Variants in SAP30BP observed in about 807,000 individuals in gnomAD.
The protein encoded by SAP30BP is SAP30 binding protein, also known as SAP30-binding protein.
In SAP30BP, 31 loss-of-function variants were observed where a neutral mutation model predicts 46.3. That is an observed-to-expected ratio of 0.67 (90% CI 0.50 to 0.90). The LOEUF (loss-of-function observed/expected upper bound fraction) is 0.90. SAP30BP is among the 40% of genes least tolerant of loss of function. The pLI, the probability that SAP30BP is intolerant of heterozygous loss-of-function variation, is 0.00. For missense variants in SAP30BP, 312 were observed against 391.0 expected (o/e 0.80, Z 1.70); for synonymous variants, 169 against 144.2 (o/e 1.17, Z -1.23).
chr17:75,699,775 C>T lies in SAP30BP; in HGVS notation c.308-8C>T. The T allele has an allele frequency of 2.5e-6, 4 of 1,609,004 alleles. No individual in the cohort carries two copies. Among genetic ancestry groups the T allele is most frequent in the Non-Finnish European group, 3.4e-6 (4 of 1,175,778 alleles). ...CACCTACAGAATTTTTCCTTCTTCT[C>T]TCAACAGCCTCCTTTTCTGAAAGAG... On this transcript the variant is annotated splice_region_variant and splice_polypyrimidine_tract_variant and intron_variant, in intron 4 of 10. Transcript: ENST00000584667.
At chr17:75,682,052 G>T (rs533780273) in intron 3 of SAP30BP, among the ~76,000 whole-genome samples, 3 of 151,976 alleles carry the variant, frequency 2.0e-5, no homozygotes, top group Non-Finnish European at 4.4e-5. Context: ...TTAATGGACA[G>T]AGTTATTTTT....
rs2059838379 is a variant in SAP30BP at position 75,668,304 on chromosome 17, T to A, written c.107-212T>A. ...AACAGAATTTAGTACTCGGTTTTGT[T>A]CCCTGACCTTTTAATGATTTTATTC... On this transcript the variant is annotated intron_variant, in intron 1 of 10. Transcript: ENST00000584667. The A allele has an allele frequency of 5.9e-6, 3 of 510,040 alleles. No homozygotes were observed. The South Asian group carries it at 9.3e-5, about 16-fold the overall frequency. The allele number at this position is 510,040 out of a possible 1,614,324, so 31.6% of individuals were successfully genotyped here.
intron 3 of SAP30BP, among the ~76,000 whole-genome samples, chr17:75,674,788 A>G (rs1448440204): frequency 2.2e-5 from 3 of 137,612 alleles, no homozygotes; most frequent in African/African-American, 8.2e-5. Flanking sequence ...TGCAGCCACA[A>G]CCTCCCTGGC....
intron 3 of SAP30BP, chr17:75,690,844 A>G: frequency 2.3e-6 from 1 of 436,896 alleles, no homozygotes; most frequent in South Asian, 1.6e-5. Flanking sequence ...TGCCTATGAC[A>G]CCAATGGGAA....
At chr17:75,674,820 G>A (rs1218963960) in intron 3 of SAP30BP, among the ~76,000 whole-genome samples, 2 of 139,090 alleles carry the variant, frequency 1.4e-5, no homozygotes, top group African/African-American at 2.6e-5. Context: ...TCCCACCTCA[G>A]CCTCCCAAAC....
chr17:75,678,462 A>AC (rs1269932894), intron 3 of SAP30BP, among the ~76,000 whole-genome samples: 4 of 76,908 alleles, frequency 5.2e-5, no homozygotes, highest in South Asian at 1.3e-3. Flanking sequence ...ACACAATTTA[A>AC]AACACACACA....
intron 3 of SAP30BP, among the ~76,000 whole-genome samples, chr17:75,686,256 G>T (rs917072126): frequency 6.6e-6 from 1 of 151,788 alleles, no homozygotes; most frequent in African/African-American, 2.4e-5. Context: ...AGTGGCTCAC[G>T]CCTGTAATCT....
rs1282123678 is a variant in SAP30BP at position 75,707,414 on chromosome 17, G to A, written c.*893G>A. ...CAGTGGCCACTGGGCTCCCCCCGGG[G>A]TTGAAACGGGTTTCCCAGACCAGGG... On this transcript the variant is annotated 3_prime_UTR_variant, in exon 11 of 11. Coordinates refer to ENST00000584667, the MANE Select transcript of SAP30BP (RefSeq NM_013260.8). 3 of 152,706 alleles carry A rather than the reference G, an allele frequency of 2.0e-5. No homozygotes were observed. The highest frequency in any genetic ancestry group is 7.2e-5 in the African/African-American group (3 of 41,458). 9.5% of individuals were successfully genotyped at this position (152,706 alleles called of 1,614,324 possible). A position where few individuals can be genotyped will look rare whatever the true frequency, so the allele number is the denominator to read the frequency against.
intron 9 of SAP30BP, 34 bp from the exon 10 acceptor site, chr17:75,705,974 G>T: frequency 6.2e-7 from 1 of 1,609,554 alleles, no homozygotes. Flanking sequence ...ACCCAGCTTT[G>T]CCTGGTCTTA....
chr17:75,675,334 A>G (rs1221318768), intron 3 of SAP30BP, among the ~76,000 whole-genome samples: 1 of 151,978 alleles, frequency 6.6e-6, no homozygotes, highest in Non-Finnish European at 1.5e-5. Flanking sequence ...TATTTTTAGT[A>G]GAGACGGGGT....
chr17:75,697,750 G>A (rs1292488355), intron 4 of SAP30BP, among the ~76,000 whole-genome samples: 1 of 152,206 alleles, frequency 6.6e-6, no homozygotes, highest in Non-Finnish European at 1.5e-5. Context: ...TTATCCTGCA[G>A]CAGCTGGACT....
chr17:75,705,376 C>G (rs1021412823), intron 9 of SAP30BP: 2 of 163,944 alleles, frequency 1.2e-5, no homozygotes, highest in African/African-American at 4.8e-5. Flanking sequence ...AGGACACCAG[C>G]TCCTCCCACT....
intron 4 of SAP30BP, 57 bp from the exon 5 acceptor site, chr17:75,699,726 A>C: frequency 8.5e-7 from 1 of 1,174,104 alleles, no homozygotes; most frequent in Non-Finnish European, 1.3e-6. Context: ...TTTTTTGTCC[A>C]TGTCTGTCCC....
intron 3 of SAP30BP, among the ~76,000 whole-genome samples, chr17:75,683,042 A>AT (rs1489760588): frequency 1.1e-3 from 46 of 42,682 alleles, no homozygotes; most frequent in South Asian, 6.5e-3. Context: ...TATTTTATTT[A>AT]TTTATTTATT....
intron 3 of SAP30BP, chr17:75,691,360 C>T: frequency 2.2e-6 from 1 of 448,956 alleles, no homozygotes; most frequent in South Asian, 1.6e-5. Flanking sequence ...AAAATACTTC[C>T]TGTGATTTTG....
rs370977108 is a variant in SAP30BP, at chr17:75,693,509, C to T, written c.307+27C>T. ...TGAGTATTGGGGGATCCTGGGGGCA[C>T]GTTTCTCAGCCTTGCTCCTAGCAGC... On this transcript the variant is annotated intron_variant, in intron 4 of 10. Transcript: ENST00000584667. The T allele has an allele frequency of 7.8e-5, 126 of 1,610,356 alleles. No homozygotes were observed. In the African/African-American group the frequency reaches 1.2e-3, roughly 16 times the overall value.
intron 1 of SAP30BP, chr17:75,667,952 G>A (rs565374185): frequency 6.1e-6 from 1 of 162,818 alleles, no homozygotes; most frequent in East Asian, 1.9e-4. Flanking sequence ...GTAGAACTGG[G>A]GTAGGATGTG....
In SAP30BP at chr17:75,707,182, T is replaced by C. The variant is rs976270794; in HGVS notation, c.*661T>C. ...GACCTGTGCAGAGAGTGGGGAGGCG[T>C]CAGCGCCTGGCCAGGGCTGCCCCAG... On this transcript the variant is annotated 3_prime_UTR_variant, in exon 11 of 11. Transcript: ENST00000584667. The C allele has an allele frequency of 6.6e-6, 1 of 152,586 alleles. No individual in the cohort carries two copies. The highest frequency in any genetic ancestry group is 2.4e-5 in the African/African-American group (1 of 41,436). The allele number at this position is 152,586 out of a possible 1,614,324, so 9.5% of individuals were successfully genotyped here.
In SAP30BP at chr17:75,706,216, C is replaced by G. The variant is rs2060495022; in HGVS notation, c.745+124C>G. ...TCAGCCTTGCTACTTTGAGAAGCACCTTTGGAGTCTGGGGTGGGCCACTTC... is the reference window on the plus strand; with the variant it reads ...TCAGCCTTGCTACTTTGAGAAGCACGTTTGGAGTCTGGGGTGGGCCACTTC... On this transcript the variant is annotated intron_variant, in intron 10 of 10. Transcript: ENST00000584667. The surrounding 1 kb of genome is among the most constrained non-coding windows in gnomAD (Gnocchi z 4.6). 2 of 1,553,590 alleles carry G rather than the reference C, an allele frequency of 1.3e-6. No homozygotes were observed. Among genetic ancestry groups the G allele is most frequent in the Non-Finnish European group, 1.7e-6 (2 of 1,150,552 alleles).
Sources: gnomAD v4.1 joint callset for allele counts (sites outside exome capture counted in the v4.1 genomes callset) on GRCh38, gnomAD v4.1.1 for gene constraint, Gnocchi (gnomAD v3.1) non-coding constraint, MANE v1.5 for transcripts, NCBI Gene and HGNC (gene_info 2026-07-23, HGNC 2026-07-21) for gene names.